GFRAL: variants seen among roughly 807,000 people sequenced by gnomAD.
GFRAL encodes GDNF family receptor alpha like.
GFRAL carries 36 observed loss-of-function variants against 45.4 expected under a neutral mutation model. That is an observed-to-expected ratio of 0.79 (90% CI 0.61 to 1.05). GFRAL has a LOEUF of 1.05. Ranked by LOEUF, GFRAL falls within the 50% of genes least tolerant of loss-of-function variation. GFRAL has a pLI of 0.00. For missense variants in GFRAL, 507 were observed against 467.5 expected (o/e 1.08, Z -0.78); for synonymous variants, 166 against 154.1 (o/e 1.08, Z -0.57).
At position 55,381,744 on chromosome 6, in the gene GFRAL, ACTGT is replaced by A. The variant is rs1768610429; in HGVS notation, c.953-17432_953-17429del. On this transcript the variant is annotated intron_variant, in intron 6 of 8. Transcript: ENST00000340465. ...AATTTTTACTATTATCTGATCACTG[ACTGT>A]CTGAAGAAAGATTACAGACTATAAA... 7.2e-5 allele frequency among the ~76,000 whole-genome samples: 11 copies of A among 151,982 alleles called. No individual in the cohort carries two copies. The South Asian group carries it at 2.3e-3, about 31-fold the overall frequency.
At chr6:55,371,261 G>A (rs1339232680) in intron 6 of GFRAL, among the ~76,000 whole-genome samples, 1 of 152,040 alleles carries the variant, frequency 6.6e-6, no homozygotes, top group African/African-American at 2.4e-5. Context: ...ACTCTTCATG[G>A]TTGAACTATA....
chr6:55,349,158 A>T (rs2127354694), intron 3 of GFRAL, among the ~76,000 whole-genome samples: 1 of 152,176 alleles, frequency 6.6e-6, no homozygotes, highest in Non-Finnish European at 1.5e-5. Flanking sequence ...TAGCTTGGAC[A>T]ATATAAGGAG....
At chr6:55,330,234 A>C (rs941587801) in intron 1 of GFRAL, among the ~76,000 whole-genome samples, 1 of 152,158 alleles carries the variant, frequency 6.6e-6, no homozygotes, top group African/African-American at 2.4e-5. Context: ...TATATATCTT[A>C]TATATAAACA....
chr6:55,371,490 A>G (rs1050145345), intron 6 of GFRAL, among the ~76,000 whole-genome samples: 4 of 152,198 alleles, frequency 2.6e-5, no homozygotes, highest in African/African-American at 9.7e-5. Flanking sequence ...AAAGTGAAAT[A>G]TAAATGGTGA....
intron 5 of GFRAL, among the ~76,000 whole-genome samples, chr6:55,354,337 T>G (rs977646500): frequency 2.0e-5 from 3 of 152,016 alleles, no homozygotes; most frequent in Non-Finnish European, 4.4e-5. Context: ...AACCACCTTT[T>G]CAAAATGTTT....
intron 3 of GFRAL, among the ~76,000 whole-genome samples, chr6:55,345,111 A>G (rs1768020456): frequency 1.3e-5 from 2 of 152,168 alleles, no homozygotes; most frequent in Non-Finnish European, 2.9e-5. Flanking sequence ...AAATGGCCAT[A>G]CTGCCCAAGG....
At position 55,331,779 on chromosome 6, in the gene GFRAL, G is replaced by A. The variant is rs771451549; in HGVS notation, c.87G>A (p.Glu29=). 7 of 1,611,340 alleles carry A rather than the reference G, an allele frequency of 4.3e-6. No homozygotes were observed. The Admixed American group carries it at 1.2e-4, about 27-fold the overall frequency. Residue 29 remains glutamate, a synonymous_variant, in exon 2 of 9, where the codon GAG becomes GAA. Transcript: ENST00000340465. ...CCAATAATTGCACATATTTAAGAGA[G>A]CAATGCTTACGTGATGCAAATGGAT... ...SQTNNCTYLR[E]QCLRDANGCK...
rs531572673 is a variant in GFRAL at position 55,344,491 on chromosome 6, C to T, written c.317-5601C>T. 5.3e-4 allele frequency among the ~76,000 whole-genome samples: 80 copies of T among 152,284 alleles called. No homozygotes were observed. The East Asian group carries it at 7.5e-3, about 14-fold the overall frequency. On this transcript the variant is annotated intron_variant, in intron 3 of 8. Transcript: ENST00000340465. ...AAAGGCCTTTGACAAGATTAAACAACGCTTCATGCTAAAAACTCTCAATAA... is the reference window on the plus strand; with the variant it reads ...AAAGGCCTTTGACAAGATTAAACAATGCTTCATGCTAAAAACTCTCAATAA...
intron 2 of GFRAL, among the ~76,000 whole-genome samples, chr6:55,333,285 A>C (rs1767853237): frequency 6.6e-6 from 1 of 152,142 alleles, no homozygotes; most frequent in African/African-American, 2.4e-5. Flanking sequence ...AGAAAATGAA[A>C]TATTGGTAAT....
At chr6:55,380,010 G>A (rs968447987) in intron 6 of GFRAL, among the ~76,000 whole-genome samples, 11 of 151,968 alleles carry the variant, frequency 7.2e-5, no homozygotes, top group South Asian at 6.2e-4. Context: ...GAATAGTATT[G>A]CATTGTGTAT....
intron 6 of GFRAL, among the ~76,000 whole-genome samples, chr6:55,365,108 A>C (rs1034799798): frequency 6.6e-6 from 1 of 151,316 alleles, no homozygotes; most frequent in African/African-American, 2.4e-5. Flanking sequence ...ATCCTCTTTT[A>C]TTTCCTTGAG....
intron 3 of GFRAL, among the ~76,000 whole-genome samples, chr6:55,347,966 A>C (rs1768065385): frequency 6.6e-6 from 1 of 152,058 alleles, no homozygotes; most frequent in African/African-American, 2.4e-5. Context: ...ATTATAAAAT[A>C]TAAATCAAAA....
chr6:55,334,147 T>G (rs1191270377), intron 3 of GFRAL, among the ~76,000 whole-genome samples: 3 of 152,160 alleles, frequency 2.0e-5, no homozygotes, highest in Admixed American at 6.6e-5. Flanking sequence ...CAGTTCTTGA[T>G]GTACCTTGGG....
At chr6:55,360,212 G>T (rs115202592) in intron 6 of GFRAL, among the ~76,000 whole-genome samples, 2 of 151,738 alleles carry the variant, frequency 1.3e-5, no homozygotes, top group Non-Finnish European at 2.9e-5. Context: ...CCATCTTCAG[G>T]GTTAGACCAT....
At chr6:55,367,602 G>A (rs1253687588) in intron 6 of GFRAL, among the ~76,000 whole-genome samples, 1 of 151,396 alleles carries the variant, frequency 6.6e-6, no homozygotes, top group Non-Finnish European at 1.5e-5. Flanking sequence ...TCCATGTTTA[G>A]TGCTTCCTTC....
At chr6:55,396,169 C>T (rs1212272583) in intron 6 of GFRAL, among the ~76,000 whole-genome samples, 4 of 152,230 alleles carry the variant, frequency 2.6e-5, no homozygotes, top group African/African-American at 9.6e-5. Context: ...TATTCGGTAT[C>T]CTCCTAGGGT....
chr6:55,399,180 A>C lies in GFRAL; in HGVS notation c.953A>C (p.Asn318Thr). Residue 318 changes from asparagine (N) to threonine (T), a missense_variant and splice_region_variant, in exon 7 of 9, where the codon AAT becomes ACT. Coordinates refer to ENST00000340465, the MANE Select transcript of GFRAL (RefSeq NM_207410.2). The part of the protein sequence containing the change: ...QHMLHRKSCF[N>T]YPTLSNVKGM... ...TCTCATTTTTATGATTTTCTTTCAG[A>C]TTATCCAACCCTGTCTAATGTCAAA... The C allele has an allele frequency of 1.3e-6, 2 of 1,517,762 alleles. No individual in the cohort carries two copies. The highest frequency in any genetic ancestry group is 1.8e-6 in the Non-Finnish European group (2 of 1,118,702). The allele number at this position is 1,517,762 out of a possible 1,614,324, so 94.0% of individuals were successfully genotyped here.
intron 6 of GFRAL, among the ~76,000 whole-genome samples, chr6:55,395,609 T>C (rs1466820957): frequency 6.6e-6 from 1 of 152,026 alleles, no homozygotes; most frequent in Non-Finnish European, 1.5e-5. Context: ...GTTTGTGATA[T>C]GTTAAATCCC....
At chr6:55,360,789 A>G (rs973976244) in intron 6 of GFRAL, among the ~76,000 whole-genome samples, 2 of 151,970 alleles carry the variant, frequency 1.3e-5, no homozygotes, top group African/African-American at 4.8e-5. Flanking sequence ...CCAATTTGGT[A>G]TTAACCAAAC....
Sources: gnomAD v4.1 joint callset for allele counts (sites outside exome capture counted in the v4.1 genomes callset) on GRCh38, gnomAD v4.1.1 for gene constraint, MANE v1.5 for transcripts, NCBI Gene and HGNC (gene_info 2026-07-23, HGNC 2026-07-21) for gene names.